Variants in MAGEB6 observed in about 807,000 individuals in gnomAD.
MAGEB6 encodes MAGE family member B6.
For synonymous variants in MAGEB6, 128 were observed against 136.2 expected (o/e 0.94, Z 0.42); for missense variants, 327 against 329.7 (o/e 0.99, Z 0.06).
At chrX:26,192,876 A>G (rs1929129728) in intron 1 of MAGEB6, among the ~76,000 whole-genome samples, 1 of 111,384 alleles carries the variant, frequency 9.0e-6, no homozygotes, top group Non-Finnish European at 1.9e-5. Context: ...GCAGGTCTCT[A>G]GAGACTGAGG....
In MAGEB6 at chrX:26,194,741, G is replaced by T. The variant is rs747194970; in HGVS notation, c.895G>T (p.Gly299Cys). Residue 299 changes from glycine (G) to cysteine (C), a missense_variant, in exon 2 of 2, where the codon GGC becomes TGC. Coordinates refer to ENST00000379034, the MANE Select transcript of MAGEB6 (RefSeq NM_173523.2). ...MSLLVVIFMN[G>C]NCATEEEVWE... ...GCTCCTGGTTGTGATCTTCATGAAC[G>T]GCAACTGTGCCACTGAAGAGGAGGT... is the stretch of plus-strand genomic sequence containing the variant. The T allele has an allele frequency of 3.3e-6, 4 of 1,209,658 alleles. No individual in the cohort carries two copies. In the African/African-American group the frequency reaches 7.0e-5, roughly 21 times the overall value.
At position 26,194,673 on chromosome X, in the gene MAGEB6, T is replaced by C. The variant is rs780241589; in HGVS notation, c.827T>C (p.Leu276Pro). 14 of 1,211,477 alleles carry C rather than the reference T, an allele frequency of 1.2e-5. No individual in the cohort carries two copies. The highest frequency in any genetic ancestry group is 1.3e-5 in the Non-Finnish European group (12 of 895,472). Residue 276 changes from leucine to proline, a missense_variant, in exon 2 of 2, where the codon CTG becomes CCG. Physicochemically the swap from Leu to Pro is moderately conservative, Grantham distance 98. Coordinates refer to ENST00000379034, the MANE Select transcript of MAGEB6 (RefSeq NM_173523.2). ...CTAGGCCTCCCCAGTGAAGGAATTC[T>C]GAGTGGTGATAATGCGCTGCCGAAG... ...SKLGLPSEGILSGDNALPKSG... is the reference protein window; with the variant it reads ...SKLGLPSEGIPSGDNALPKSG...
intron 1 of MAGEB6, among the ~76,000 whole-genome samples, 161 bp downstream of exon 1, chrX:26,192,688 C>T (rs1929126806): frequency 9.0e-6 from 1 of 111,407 alleles, no homozygotes; most frequent in African/African-American, 3.3e-5. Flanking sequence ...TCATTTTTTT[C>T]CGTCGTGTTG....
At position 26,194,104 on chromosome X, in the gene MAGEB6, CAA is replaced by C; in HGVS notation, c.259_260del (p.Asn87ArgfsTer4). 4 of 1,203,290 alleles carry C rather than the reference CAA, an allele frequency of 3.3e-6. No individual in the cohort carries two copies. Among genetic ancestry groups the C allele is most frequent in the South Asian group, 3.6e-5 (2 of 56,077 alleles). ...VSYSKSDVAA[N>X]GQDEKSPSTS... ...CATATTCAAAATCCGATGTGGCTGC[CAA>C]CGGCCAAGATGAGAAAAGTCCAAGC... On this transcript the variant is annotated frameshift_variant, in exon 2 of 2. Transcript: ENST00000379034. LOFTEE classifies it low-confidence loss of function (END_TRUNC).
rs150480550 is a variant in MAGEB6, at chrX:26,194,089, A to G, written c.243A>G (p.Lys81=). Residue 81 remains lysine (K), a synonymous_variant, in exon 2 of 2, where the codon AAA becomes AAG. Transcript: ENST00000379034. The part of the protein sequence containing the change: ...GSPDAVVSYS[K]SDVAANGQDE... ...CTGATGCAGTTGTTTCATATTCAAA[A>G]TCCGATGTGGCTGCCAACGGCCAAG... 200 of 1,209,130 alleles carry G rather than the reference A, an allele frequency of 1.7e-4. 1 individual carries two copies. In the African/African-American group the frequency reaches 3.1e-3, roughly 19 times the overall value.
chrX:26,195,005 T>C lies in MAGEB6; in HGVS notation c.1159T>C (p.Tyr387His). The change falls in exon 2 of 2, where the codon TAC becomes CAC. Residue 387 changes from tyrosine to histidine, a missense_variant. Tyr to His is a moderately conservative substitution (Grantham distance 83). Transcript: ENST00000379034. Reference sequence around the variant, plus strand: ...CAGCAGTAACACCAGTCCCGGTTTATACCCACATCTGTATGAAGACGCTTT... The same window carrying C: ...CAGCAGTAACACCAGTCCCGGTTTACACCCACATCTGTATGAAGACGCTTT... ...ADSSNTSPGLYPHLYEDALID... is the reference protein window; with the variant it reads ...ADSSNTSPGLHPHLYEDALID... The C allele has an allele frequency of 8.3e-7, 1 of 1,211,517 alleles. No homozygotes were observed. The highest frequency in any genetic ancestry group is 1.1e-6 in the Non-Finnish European group (1 of 895,522).
At chrX:26,193,654 C>A in intron 1 of MAGEB6, 132 bp from the exon 2 acceptor site, 1 of 372,270 alleles carries the variant, frequency 2.7e-6, no homozygotes, top group South Asian at 8.0e-5. Flanking sequence ...GACAAACTGA[C>A]CAGGAGAAAA....
rs756831980 is a variant in MAGEB6, at chrX:26,194,399, A to C, written c.553A>C (p.Ile185Leu). Reference protein sequence around the residue: ...EESVSASQKAIIFKRLSKDAV... With the variant: ...EESVSASQKALIFKRLSKDAV... The stretch of plus-strand genomic sequence containing the variant: ...AAGTGTAAGCGCCTCACAGAAAGCC[A>C]TCATTTTTAAGCGCTTAAGCAAAGA... Residue 185 changes from isoleucine to leucine, a missense_variant, in exon 2 of 2, where the codon ATC (isoleucine) becomes CTC (leucine). By Grantham distance (5) the Ile-to-Leu change is conservative. Transcript: ENST00000379034. 35 of 1,210,595 alleles carry C rather than the reference A, an allele frequency of 2.9e-5. No homozygotes were observed. The highest frequency in any genetic ancestry group is 3.6e-5 in the Non-Finnish European group (32 of 895,401).
Position 26,194,621 on chromosome X carries a change from G to A in MAGEB6, c.775G>A (p.Gly259Ser), listed in dbSNP as rs762453651. The change falls in exon 2 of 2, where the codon GGC becomes AGC. Residue 259 changes from glycine (G) to serine (S), a missense_variant. Gly to Ser is a moderately conservative substitution (Grantham distance 56). Transcript: ENST00000379034. ...GVELKEMDSS[G>S]ESYTLVSKLG... ...TGAATTGAAAGAAATGGATTCCAGC[G>A]GCGAGTCCTACACCCTTGTCAGCAA... The A allele has an allele frequency of 3.9e-5, 47 of 1,208,155 alleles. No individual in the cohort carries two copies. The highest frequency in any genetic ancestry group is 5.1e-5 in the Non-Finnish European group (46 of 894,743).
intron 1 of MAGEB6, among the ~76,000 whole-genome samples, chrX:26,192,874 C>T (rs150020454): frequency 0.022 from 2,414 of 111,368 alleles, 69 homozygotes; most frequent in African/African-American, 0.073. Context: ...GGGCAGGTCT[C>T]TAGAGACTGA....
Position 26,194,539 on chromosome X carries a change from C to A in MAGEB6, c.693C>A (p.Pro231=). 1 of 1,211,372 alleles carries A rather than the reference C, an allele frequency of 8.3e-7. No homozygotes were observed. Among genetic ancestry groups the A allele is most frequent in the Non-Finnish European group, 1.1e-6 (1 of 895,264 alleles). Residue 231 remains proline, a synonymous_variant, in exon 2 of 2, where the codon CCC becomes CCA. Transcript: ENST00000379034. ...MLKCVRREYK[P]YFPQILNRTS... is the part of the protein sequence containing the mutation. The stretch of plus-strand genomic sequence containing the variant: ...AGTGTGTCCGCAGAGAGTACAAGCC[C>A]TACTTCCCTCAGATCCTCAACAGAA...
At chrX:26,192,848 G>A (rs915773536) in intron 1 of MAGEB6, among the ~76,000 whole-genome samples, 4 of 111,605 alleles carry the variant, frequency 3.6e-5, no homozygotes, top group Non-Finnish European at 7.5e-5. Context: ...TGCCCTTGAC[G>A]TTAGCCTGGG....
At position 26,194,424 on chromosome X, in the gene MAGEB6, A is replaced by T; in HGVS notation, c.578A>T (p.Asp193Val). The T allele has an allele frequency of 5.8e-6, 7 of 1,212,050 alleles. No individual in the cohort carries two copies. Among genetic ancestry groups the T allele is most frequent in the Non-Finnish European group, 7.8e-6 (7 of 895,610 alleles). The change falls in exon 2 of 2, where the codon GAT (aspartate) becomes GTT (valine). Residue 193 changes from aspartate to valine, a missense_variant. Physicochemically the swap from Asp to Val is radical, Grantham distance 152. Coordinates refer to ENST00000379034, the MANE Select transcript of MAGEB6 (RefSeq NM_173523.2). ...ATCATTTTTAAGCGCTTAAGCAAAG[A>T]TGCTGTAAAGAAGAAGGCGTGCACG... ...KAIIFKRLSKDAVKKKACTLA... is the reference protein window; with the variant it reads ...KAIIFKRLSKVAVKKKACTLA...
At position 26,194,504 on chromosome X, in the gene MAGEB6, G is replaced by A; in HGVS notation, c.658G>A (p.Asp220Asn). 2 of 1,212,087 alleles carry A rather than the reference G, an allele frequency of 1.7e-6. No homozygotes were observed. The highest frequency in any genetic ancestry group is 2.2e-6 in the Non-Finnish European group (2 of 895,591). The change falls in exon 2 of 2, where the codon GAC becomes AAC. Residue 220 changes from aspartate (D) to asparagine (N), a missense_variant. Asp to Asn is a conservative substitution (Grantham distance 23). Coordinates refer to ENST00000379034, the MANE Select transcript of MAGEB6 (RefSeq NM_173523.2). ...FEKKESILKA[D>N]MLKCVRREYK... ...GAAGAAAGAGTCCATTTTGAAGGCAGACATGCTGAAGTGTGTCCGCAGAGA... is the reference window on the plus strand; with the variant it reads ...GAAGAAAGAGTCCATTTTGAAGGCAAACATGCTGAAGTGTGTCCGCAGAGA...
In MAGEB6 at chrX:26,195,277, T is replaced by C. The variant is rs1348481078; in HGVS notation, c.*207T>C. On this transcript the variant is annotated 3_prime_UTR_variant, in exon 2 of 2. Transcript: ENST00000379034. ...TACACATGAGTAACTTGCAGATTTA[T>C]GTTTTATCTCTGTCAGTTATCAACA... 1.5e-5 allele frequency: 6 copies of C among 401,188 alleles called. No homozygotes were observed. The highest frequency in any genetic ancestry group is 2.6e-5 in the Non-Finnish European group (6 of 232,754). 33.1% of individuals were successfully genotyped at this position (401,188 alleles called of 1,213,427 possible). A position where few individuals can be genotyped will look rare whatever the true frequency, so the allele number is the denominator to read the frequency against.
Position 26,195,130 on chromosome X carries a change from C to T in MAGEB6, c.*60C>T. 1 of 1,140,778 alleles carries T rather than the reference C, an allele frequency of 8.8e-7. No individual in the cohort carries two copies. Among genetic ancestry groups the T allele is most frequent in the Non-Finnish European group, 1.2e-6 (1 of 850,965 alleles). 94.0% of individuals were successfully genotyped at this position (1,140,778 alleles called of 1,213,427 possible). On this transcript the variant is annotated 3_prime_UTR_variant, in exon 2 of 2. Transcript: ENST00000379034. ...CTTATGGGGCCATATCCTACAGATC[C>T]TCCCATTTCTAGGGAGGTCTGAAGT...
At chrX:26,193,131 G>A (rs1929133533) in intron 1 of MAGEB6, among the ~76,000 whole-genome samples, 2 of 111,227 alleles carry the variant, frequency 1.8e-5, no homozygotes, top group Admixed American at 1.9e-4. Flanking sequence ...TATTTCCTCC[G>A]GGTTAAAATT....
chrX:26,194,470 G>T lies in MAGEB6; in HGVS notation c.624G>T (p.Lys208Asn). Residue 208 changes from lysine to asparagine, a missense_variant, in exon 2 of 2, where the codon AAG becomes AAT. Lys to Asn is a moderately conservative substitution (Grantham distance 94). Transcript: ENST00000379034. Reference sequence around the variant, plus strand: ...GCACGTTGGCGCAATTCCTGCAGAAGAAGTTTGAGAAGAAAGAGTCCATTT... The same window carrying T: ...GCACGTTGGCGCAATTCCTGCAGAATAAGTTTGAGAAGAAAGAGTCCATTT... ...KACTLAQFLQ[K>N]KFEKKESILK... 8.2e-7 allele frequency: 1 copy of T among 1,212,216 alleles called. No homozygotes were observed. The highest frequency in any genetic ancestry group is 1.8e-5 in the South Asian group (1 of 57,006).
Position 26,194,120 on chromosome X carries a change from AAAAGT to A in MAGEB6, c.275_279del (p.Lys92ThrfsTer6). 5 of 1,199,887 alleles carry A rather than the reference AAAAGT, an allele frequency of 4.2e-6. No homozygotes were observed. The highest frequency in any genetic ancestry group is 3.0e-5 in the East Asian group (1 of 33,219). ...TGTGGCTGCCAACGGCCAAGATGAG[AAAAGT>A]CCAAGCACCTCCCGTGATGCCTCCG... On this transcript the variant is annotated frameshift_variant, in exon 2 of 2. Transcript: ENST00000379034. LOFTEE classifies it low-confidence loss of function (END_TRUNC).
Sources: gnomAD v4.1 joint callset for allele counts (sites outside exome capture counted in the v4.1 genomes callset) on GRCh38, gnomAD v4.1.1 for gene constraint, MANE v1.5 for transcripts, NCBI Gene and HGNC (gene_info 2026-07-23, HGNC 2026-07-21) for gene names.